The following RAD51C variants were observed in gnomAD, a reference collection of about 807,000 sequenced individuals.
RAD51C encodes the protein DNA repair protein RAD51 homolog 3.
RAD51C carries 42 observed loss-of-function variants against 45.0 expected under a neutral mutation model. The ratio of observed to expected loss-of-function variants is 0.93; its 90% CI spans 0.73 to 1.21. The LOEUF (loss-of-function observed/expected upper bound fraction) is 1.21. Among genes scored for constraint, RAD51C ranks in the 50% most tolerant of loss-of-function variants. RAD51C has a pLI of 0.00. For synonymous variants in RAD51C, 172 were observed against 159.8 expected, an observed-to-expected ratio of 1.08 and a Z score of -0.58; for missense variants, 474 against 452.2, an observed-to-expected ratio of 1.05 and a Z score of -0.44.
In RAD51C at chr17:58,696,856, G is replaced by A. The variant is rs779932777; in HGVS notation, c.568G>A (p.Glu190Lys). ...LQLIAEKHKG[E>K]EHRKALEDFT... ...GCTTATAGCAGAAAAACACAAGGGA[G>A]AGGGTAAGTTAGTAAATGATCTTCT... The change falls in exon 3 of 9, where the codon GAG becomes AAG. Residue 190 changes from glutamate to lysine, a missense_variant. By Grantham distance (56) the Glu-to-Lys change is moderately conservative. Coordinates refer to ENST00000337432, the MANE Select transcript of RAD51C (RefSeq NM_058216.3). The A allele has an allele frequency of 6.2e-7, 1 of 1,614,108 alleles. No individual in the cohort carries two copies. The highest frequency in any genetic ancestry group is 8.5e-7 in the Non-Finnish European group (1 of 1,179,932).
intron 4 of RAD51C, among the ~76,000 whole-genome samples, chr17:58,704,227 A>T (rs995008132): frequency 2.6e-5 from 4 of 151,744 alleles, no homozygotes; most frequent in Non-Finnish European, 5.9e-5. Flanking sequence ...CACGTTCCTC[A>T]TTCCCCACCT....
At chr17:58,726,076 TC>T (rs2049112226) in intron 7 of RAD51C, among the ~76,000 whole-genome samples, 1 of 151,824 alleles carries the variant, frequency 6.6e-6, no homozygotes, top group African/African-American at 2.4e-5. Context: ...AATCTGCTGT[TC>T]TATAATATTT....
intron 3 of RAD51C, among the ~76,000 whole-genome samples, chr17:58,698,637 T>G (rs1233641596): frequency 1.3e-5 from 2 of 151,134 alleles, no homozygotes; most frequent in Non-Finnish European, 3.0e-5. Context: ...CCTTAAACAG[T>G]TTTTTGAAAG....
Position 58,732,512 on chromosome 17 carries a change from C to T in RAD51C, c.994C>T (p.Gln332Ter), listed in dbSNP as rs1555605074. The change falls in exon 8 of 9, where the codon CAG (glutamine) becomes TAG (stop). Residue 332 changes from glutamine to a stop codon, truncating the protein, a stop_gained. Transcript: ENST00000337432. LOFTEE classifies it high-confidence loss of function. ...GGCAACATTGTACAAGTCACCCAGC[C>T]AGAAGGAATGCACAGTACTGTTTCA... ...RLATLYKSPS[Q>*]KECTVLFQIK... 1 of 1,613,302 alleles carries T rather than the reference C, an allele frequency of 6.2e-7. No homozygotes were observed. The highest frequency in any genetic ancestry group is 8.5e-7 in the Non-Finnish European group (1 of 1,179,508).
intron 5 of RAD51C, among the ~76,000 whole-genome samples, chr17:58,719,479 TCAAGA>T (rs1197865246): frequency 6.6e-6 from 1 of 151,788 alleles, no homozygotes; most frequent in Non-Finnish European, 1.5e-5. Flanking sequence ...GCCCAGGAGT[TCAAGA>T]TCAGCCTGGG....
At chr17:58,705,469 G>A (rs1598477481) in intron 4 of RAD51C, among the ~76,000 whole-genome samples, 4 of 152,150 alleles carry the variant, frequency 2.6e-5, no homozygotes, top group African/African-American at 9.6e-5. Context: ...GAGTAGCTGG[G>A]ACTACAGGCG....
At chr17:58,717,044 C>T (rs2048764660) in intron 5 of RAD51C, among the ~76,000 whole-genome samples, 1 of 152,072 alleles carries the variant, frequency 6.6e-6, no homozygotes, top group Non-Finnish European at 1.5e-5. Context: ...CGTGATCCGC[C>T]CGCCTCGGCC....
At chr17:58,729,521 T>C (rs796553052) in intron 7 of RAD51C, among the ~76,000 whole-genome samples, 9 of 151,832 alleles carry the variant, frequency 5.9e-5, no homozygotes, top group African/African-American at 2.2e-4. Flanking sequence ...GGCCTGAGGA[T>C]GATTTTCAAC....
At chr17:58,694,904 GTTC>G (rs758022778) in intron 1 of RAD51C, 24 bp from the exon 2 acceptor site, 14 of 1,561,336 alleles carry the variant, frequency 9.0e-6, no homozygotes, top group Non-Finnish European at 1.2e-5. Context: ...TAAAATTAGG[GTTC>G]TTTTTTTCTT....
chr17:58,717,393 G>GC (rs1357657890), intron 5 of RAD51C, among the ~76,000 whole-genome samples: 2 of 151,946 alleles, frequency 1.3e-5, no homozygotes, highest in Non-Finnish European at 2.9e-5. Context: ...TTGTGTCATT[G>GC]CCCCCCAGCC....
intron 5 of RAD51C, among the ~76,000 whole-genome samples, chr17:58,714,651 G>A (rs987319975): frequency 2.6e-5 from 4 of 151,902 alleles, no homozygotes; most frequent in Non-Finnish European, 4.4e-5. Context: ...GTAGAGATGG[G>A]TTTCACTGTG....
At chr17:58,697,473 T>A (rs2048057477) in intron 3 of RAD51C, among the ~76,000 whole-genome samples, 1 of 149,636 alleles carries the variant, frequency 6.7e-6, no homozygotes, top group Admixed American at 6.7e-5. Context: ...GAGTTGGAGA[T>A]TGCAGTGAGC....
chr17:58,725,331 A>G (rs1453257850), intron 7 of RAD51C, among the ~76,000 whole-genome samples: 4 of 152,164 alleles, frequency 2.6e-5, no homozygotes, highest in African/African-American at 9.7e-5. Flanking sequence ...CTTATTGTAA[A>G]GATTTGGCAA....
chr17:58,706,448 A>T (rs1412935727), intron 4 of RAD51C: 4 of 356,126 alleles, frequency 1.1e-5, no homozygotes, highest in Admixed American at 7.4e-5. Context: ...AATAATAATT[A>T]AAAAAAGAAT....
chr17:58,734,008 G>C (rs573697546), intron 8 of RAD51C, 110 bp from the exon 9 acceptor site: 2 of 1,495,986 alleles, frequency 1.3e-6, no homozygotes, highest in Non-Finnish European at 1.8e-6. Context: ...GAGCCACTGC[G>C]CCTGGCCCTA....
intron 1 of RAD51C, chr17:58,693,100 G>C: frequency 2.9e-6 from 1 of 349,448 alleles, no homozygotes; most frequent in Non-Finnish European, 5.4e-6. Context: ...TGAGAGAACT[G>C]ATATCTTGGG....
chr17:58,694,978 A>G lies in RAD51C; in HGVS notation c.193A>G (p.Arg65Gly), dbSNP rs1227348505. ...AGCCTTAGAAACTCTGCAAATTATC[A>G]GAAGAGAATGTCTCACAAATAAACC... ...AEALETLQII[R>G]RECLTNKPRY... The change falls in exon 2 of 9, where the codon AGA becomes GGA. Residue 65 changes from arginine (R) to glycine (G), a missense_variant. Physicochemically the swap from Arg to Gly is moderately radical, Grantham distance 125. Transcript: ENST00000337432. 3 of 1,614,172 alleles carry G rather than the reference A, an allele frequency of 1.9e-6. No homozygotes were observed. Among genetic ancestry groups the G allele is most frequent in the Non-Finnish European group, 2.5e-6 (3 of 1,180,008 alleles).
chr17:58,703,011 G>C (rs1216233999), intron 3 of RAD51C, among the ~76,000 whole-genome samples, 185 bp from the exon 4 acceptor site: 1 of 152,194 alleles, frequency 6.6e-6, no homozygotes, highest in Non-Finnish European at 1.5e-5. Context: ...ATGTACCCTA[G>C]AACTTTAATT....
At chr17:58,725,989 C>T (rs1242304945) in intron 7 of RAD51C, among the ~76,000 whole-genome samples, 4 of 145,106 alleles carry the variant, frequency 2.8e-5, no homozygotes, top group Non-Finnish European at 6.0e-5. Flanking sequence ...AGACTCCATC[C>T]ACCCCCTGCA....
Sources: allele counts gnomAD v4.1 joint callset (sites outside exome capture counted in the v4.1 genomes callset), GRCh38; gene constraint gnomAD v4.1.1; transcripts MANE v1.5; gene names NCBI Gene and HGNC (gene_info 2026-07-23, HGNC 2026-07-21).